RANBP10: variants seen among roughly 807,000 people sequenced by gnomAD.
RANBP10 encodes ran-binding protein 10.
Under a neutral mutation model 72.8 loss-of-function variants are expected in RANBP10, and 24 were observed. That is an observed-to-expected ratio of 0.33 (90% CI 0.24 to 0.46). The LOEUF (loss-of-function observed/expected upper bound fraction) is 0.46. Among genes scored for constraint, RANBP10 ranks in the 20% least tolerant of loss-of-function variants. The pLI, the probability that RANBP10 is intolerant of heterozygous loss-of-function variation, is 1.00. For synonymous variants in RANBP10, 310 were observed against 322.3 expected, an observed-to-expected ratio of 0.96 and a Z score of 0.41; for missense variants, 679 against 817.5, an observed-to-expected ratio of 0.83 and a Z score of 2.07.
intron 3 of RANBP10, among the ~76,000 whole-genome samples, chr16:67,759,079 A>G (rs1437568225): frequency 1.3e-5 from 2 of 152,270 alleles, no homozygotes; most frequent in Admixed American, 6.5e-5. Context: ...CAGCACTTAC[A>G]CCATTAGCCA....
chr16:67,748,573 T>C (rs2054132762), intron 3 of RANBP10, among the ~76,000 whole-genome samples: 1 of 151,632 alleles, frequency 6.6e-6, no homozygotes, highest in African/African-American at 2.4e-5. Context: ...AATATATATA[T>C]TACTATTATT....
chr16:67,733,053 C>CA (rs770521202), intron 6 of RANBP10, among the ~76,000 whole-genome samples: 4,334 of 41,512 alleles, frequency 0.1, 212 homozygotes, highest in African/African-American at 0.18. Flanking sequence ...GACTCCATCT[C>CA]AAAAAAAAAA....
chr16:67,783,904 C>T (rs1053890439), intron 2 of RANBP10, among the ~76,000 whole-genome samples: 2 of 151,912 alleles, frequency 1.3e-5, no homozygotes, highest in African/African-American at 2.4e-5. Flanking sequence ...ATTAGCCGGG[C>T]GTGCTGACGG....
rs377067571 is a variant in RANBP10 at position 67,778,353 on chromosome 16, TA to T, written c.348-6268del. On this transcript the variant is annotated intron_variant, in intron 2 of 13. Transcript: ENST00000317506. ...ACCAAGAGCGAAACTCTGTCTAAAA[TA>T]AAAAAAAAAAGAAGTTTTTTGCTTA... Among the ~76,000 whole-genome samples the T allele has an allele frequency of 4.8e-3, 664 of 138,530 alleles. 6 individuals carry two copies. Among genetic ancestry groups the T allele is most frequent in the African/African-American group, 0.016 (588 of 37,764 alleles). 90.9% of individuals were successfully genotyped at this position (138,530 alleles called of 152,430 possible).
intron 2 of RANBP10, among the ~76,000 whole-genome samples, chr16:67,788,241 G>A (rs1246679420): frequency 6.6e-6 from 1 of 151,538 alleles, no homozygotes; most frequent in Non-Finnish European, 1.5e-5. Flanking sequence ...GTAGAGCCAC[G>A]CCTGGCCTCT....
At chr16:67,790,724 G>C (rs2055008080) in intron 2 of RANBP10, among the ~76,000 whole-genome samples, 1 of 151,652 alleles carries the variant, frequency 6.6e-6, no homozygotes, top group Non-Finnish European at 1.5e-5. Flanking sequence ...TTTTGAGATG[G>C]AGCCTCAATC....
intron 3 of RANBP10, among the ~76,000 whole-genome samples, chr16:67,754,264 G>T (rs574058099): frequency 6.6e-6 from 1 of 152,316 alleles, no homozygotes; most frequent in Admixed American, 6.5e-5. Flanking sequence ...ATGGTGGCAG[G>T]TCCAGGGACT....
At chr16:67,798,426 C>G (rs8055659) in intron 2 of RANBP10, among the ~76,000 whole-genome samples, 8,070 of 152,262 alleles carry the variant, frequency 0.053, 646 homozygotes, top group African/African-American at 0.18. Flanking sequence ...TGGTCCTCCA[C>G]ACCAGGAATG....
intron 2 of RANBP10, among the ~76,000 whole-genome samples, chr16:67,779,195 G>A (rs1020305939): frequency 2.0e-5 from 3 of 152,172 alleles, no homozygotes; most frequent in African/African-American, 7.2e-5. Flanking sequence ...AGGAGTTCGA[G>A]ATCAGCCTGG....
intron 5 of RANBP10, among the ~76,000 whole-genome samples, chr16:67,736,131 G>A (rs2053842105): frequency 6.6e-6 from 1 of 151,142 alleles, no homozygotes; most frequent in Admixed American, 6.6e-5. Flanking sequence ...CTTCACCTCC[G>A]TGCTCAGGCC....
At chr16:67,750,213 C>T (rs2054168248) in intron 3 of RANBP10, among the ~76,000 whole-genome samples, 2 of 152,196 alleles carry the variant, frequency 1.3e-5, no homozygotes, top group South Asian at 4.1e-4. Context: ...ACACCCCATC[C>T]AGCAAAGCCA....
At chr16:67,750,677 T>A (rs1369738328) in intron 3 of RANBP10, among the ~76,000 whole-genome samples, 3 of 152,116 alleles carry the variant, frequency 2.0e-5, no homozygotes, top group Non-Finnish European at 4.4e-5. Context: ...CACACAAGGA[T>A]GATCCTGTAT....
chr16:67,804,036 T>G (rs1439942325), intron 2 of RANBP10, among the ~76,000 whole-genome samples: 1 of 151,564 alleles, frequency 6.6e-6, no homozygotes, highest in Non-Finnish European at 1.5e-5. Flanking sequence ...ACTGAGGAAG[T>G]AGGCAAGGCT....
At chr16:67,744,160 T>C (rs1039478944) in intron 4 of RANBP10, 128 bp downstream of exon 4, 9 of 1,486,940 alleles carry the variant, frequency 6.1e-6, no homozygotes, top group Non-Finnish European at 7.2e-6. Context: ...AGGGCTCCAA[T>C]GCCTGGAAAT....
chr16:67,746,960 T>C lies in RANBP10; in HGVS notation c.401-2505A>G, dbSNP rs539167781. ...GTTGATGACATTTGAGTTGTTATAA[T>C]TTTTAGCTATTATGAATAAAGCCAA... On this transcript the variant is annotated intron_variant, in intron 3 of 13. Transcript: ENST00000317506. Among the ~76,000 whole-genome samples the C allele has an allele frequency of 2.6e-5, 4 of 152,360 alleles. No individual in the cohort carries two copies. The South Asian group carries it at 8.3e-4, about 32-fold the overall frequency.
chr16:67,760,312 C>T (rs1597870881), intron 3 of RANBP10, among the ~76,000 whole-genome samples: 1 of 152,206 alleles, frequency 6.6e-6, no homozygotes, highest in East Asian at 1.9e-4. Flanking sequence ...AGCCTCTGCC[C>T]TTGTGAACCT....
In RANBP10 at chr16:67,727,850, G is replaced by A; in HGVS notation, c.1521C>T (p.Ala507=). Residue 507 remains alanine, a synonymous_variant, in exon 12 of 14, where the codon GCC becomes GCT. Coordinates refer to ENST00000317506, the MANE Select transcript of RANBP10 (RefSeq NM_020850.3). ...GGCCAAACAGAATGATCCTTTCTGTGGCAGCCTGGTTGCCCCCGCAGAGCT... is the reference window on the plus strand; with the variant it reads ...GGCCAAACAGAATGATCCTTTCTGTAGCAGCCTGGTTGCCCCCGCAGAGCT... ...RRQLCGGNQA[A]TERIILFGRE... is the part of the protein sequence containing the mutation. 2 of 1,614,108 alleles carry A rather than the reference G, an allele frequency of 1.2e-6. No individual in the cohort carries two copies. The highest frequency in any genetic ancestry group is 1.7e-6 in the Non-Finnish European group (2 of 1,180,040).
chr16:67,799,011 C>CA (rs1439340211), intron 2 of RANBP10, among the ~76,000 whole-genome samples: 1 of 151,306 alleles, frequency 6.6e-6, no homozygotes, highest in Non-Finnish European at 1.5e-5. Context: ...CTGCAACCTT[C>CA]ACCTCCCAGG....
At chr16:67,764,855 A>T (rs2054467310) in intron 3 of RANBP10, among the ~76,000 whole-genome samples, 1 of 152,246 alleles carries the variant, frequency 6.6e-6, no homozygotes, top group Admixed American at 6.5e-5. Context: ...ATTTAATAAA[A>T]GTCTGATTGA....
Sources: allele counts gnomAD v4.1 joint callset (sites outside exome capture counted in the v4.1 genomes callset), GRCh38; gene constraint gnomAD v4.1.1; transcripts MANE v1.5; gene names NCBI Gene and HGNC (gene_info 2026-07-23, HGNC 2026-07-21).